METAP1D: variants seen among roughly 807,000 people sequenced by gnomAD.
The protein encoded by METAP1D is methionine aminopeptidase 1D, mitochondrial.
In METAP1D, 31 loss-of-function variants were observed where a neutral mutation model predicts 40.5. The observed-to-expected ratio is 0.77, with a 90% confidence interval of 0.58 to 1.03. The LOEUF (loss-of-function observed/expected upper bound fraction) is 1.03. Ranked by LOEUF, METAP1D falls within the 50% of genes least tolerant of loss-of-function variation. The probability of loss-of-function intolerance (pLI) is 0.00; values close to 1 mark genes in which losing one functional copy is unlikely to be tolerated. For missense variants in METAP1D, 411 were observed against 420.7 expected (o/e 0.98, Z 0.20); for synonymous variants, 151 against 146.4 (o/e 1.03, Z -0.22).
At chr2:172,039,054 TTA>T (rs1437090268) in intron 1 of METAP1D, among the ~76,000 whole-genome samples, 1 of 152,160 alleles carries the variant, frequency 6.6e-6, no homozygotes, top group African/African-American at 2.4e-5. Flanking sequence ...CCTTCCTATT[TTA>T]TATATTATCC....
At chr2:172,045,699 ATGTGTGTGTGTGTGTGTG>A (rs796722451) in intron 1 of METAP1D, among the ~76,000 whole-genome samples, 3 of 82,218 alleles carry the variant, frequency 3.6e-5, no homozygotes, top group African/African-American at 1.4e-4. Context: ...ATTCATATAT[ATGTGTGTGTGTGTGTGTG>A]TGTGTGTGTG....
intron 1 of METAP1D, among the ~76,000 whole-genome samples, chr2:172,040,725 G>T (rs938248461): frequency 1.4e-5 from 2 of 146,554 alleles, no homozygotes; most frequent in African/African-American, 2.5e-5. Flanking sequence ...TGTGCTATTT[G>T]CTTTGATACA....
At chr2:172,048,068 T>G (rs1689801595) in intron 1 of METAP1D, among the ~76,000 whole-genome samples, 1 of 152,180 alleles carries the variant, frequency 6.6e-6, no homozygotes, top group Non-Finnish European at 1.5e-5. Context: ...TACACTACAA[T>G]CATGAAATGC....
intron 1 of METAP1D, among the ~76,000 whole-genome samples, chr2:172,059,882 C>T (rs1690094641): frequency 1.3e-5 from 2 of 152,094 alleles, no homozygotes; most frequent in Non-Finnish European, 2.9e-5. Context: ...AACCCCGTCT[C>T]TACTAAAAAT....
chr2:172,065,849 C>A, intron 4 of METAP1D, 97 bp downstream of exon 4: 1 of 1,294,992 alleles, frequency 7.7e-7, no homozygotes, highest in Non-Finnish European at 1.1e-6. Flanking sequence ...TCAATTGAAA[C>A]CCACCGGTAA....
At chr2:172,077,227 A>G (rs958888246) in intron 6 of METAP1D, among the ~76,000 whole-genome samples, 2 of 152,218 alleles carry the variant, frequency 1.3e-5, no homozygotes, top group Non-Finnish European at 2.9e-5. Context: ...GTTTTGGAGT[A>G]TTTCAAGAAT....
chr2:172,029,489 C>T (rs1257002860), intron 1 of METAP1D, among the ~76,000 whole-genome samples: 1 of 152,140 alleles, frequency 6.6e-6, no homozygotes, highest in East Asian at 1.9e-4. Context: ...CTAAAATCCC[C>T]AGCACATTTT....
intron 1 of METAP1D, among the ~76,000 whole-genome samples, chr2:172,010,569 C>G (rs1688693544): frequency 7.0e-6 from 1 of 141,926 alleles, no homozygotes; most frequent in Non-Finnish European, 1.5e-5. Context: ...TCTCAGCTCA[C>G]TACAACCTGT....
intron 6 of METAP1D, among the ~76,000 whole-genome samples, chr2:172,077,547 A>G (rs1690575764): frequency 6.6e-6 from 1 of 152,246 alleles, no homozygotes; most frequent in Non-Finnish European, 1.5e-5. Flanking sequence ...GTACAAAGGT[A>G]AATGACTCAA....
intron 1 of METAP1D, among the ~76,000 whole-genome samples, chr2:172,038,682 T>C (rs903352973): frequency 1.3e-5 from 2 of 152,134 alleles, no homozygotes; most frequent in Non-Finnish European, 2.9e-5. Flanking sequence ...TTCAGACTTG[T>C]GCGGCAAAAG....
chr2:172,027,172 C>G (rs1689136586), intron 1 of METAP1D, among the ~76,000 whole-genome samples: 2 of 152,196 alleles, frequency 1.3e-5, no homozygotes, highest in African/African-American at 4.8e-5. Context: ...AAACTCCCAA[C>G]CTAACACACA....
At chr2:172,065,841 A>G in intron 4 of METAP1D, 89 bp downstream of exon 4, 3 of 1,355,862 alleles carry the variant, frequency 2.2e-6, no homozygotes, top group South Asian at 1.4e-5. Flanking sequence ...ACTATCATTC[A>G]ATTGAAACCC....
chr2:172,022,347 G>C (rs1170290651), intron 1 of METAP1D, among the ~76,000 whole-genome samples: 4 of 152,148 alleles, frequency 2.6e-5, no homozygotes, highest in Non-Finnish European at 5.9e-5. Flanking sequence ...GCAGTGCCCT[G>C]ACTTCTCCAG....
intron 3 of METAP1D, among the ~76,000 whole-genome samples, chr2:172,065,178 G>T (rs562223202): frequency 1.3e-5 from 2 of 152,266 alleles, no homozygotes; most frequent in African/African-American, 4.8e-5. Context: ...GATGCGAGTT[G>T]ACCTACTTTT....
At chr2:172,024,748 TTGTGTGTGTGTGTGTGTGTGTG>T (rs61596658) in intron 1 of METAP1D, among the ~76,000 whole-genome samples, 1 of 66,570 alleles carries the variant, frequency 1.5e-5, no homozygotes, top group Non-Finnish European at 4.3e-5. Flanking sequence ...GACATATAGA[TTGTGTGTGTGTGTGTGTGTGTG>T]TGTGTGTGTG....
Position 172,080,507 on chromosome 2 carries a change from C to G in METAP1D, c.*101C>G. 5 of 1,246,458 alleles carry G rather than the reference C, an allele frequency of 4.0e-6. No individual in the cohort carries two copies. The highest frequency in any genetic ancestry group is 5.8e-6 in the Non-Finnish European group (5 of 863,526). 77.2% of individuals were successfully genotyped at this position (1,246,458 alleles called of 1,614,324 possible). ...AGAAACAGGGAAATGACCGGTGGTGCGGTAACCTGCGTGGCTCCTGATAGC... is the reference window on the plus strand; with the variant it reads ...AGAAACAGGGAAATGACCGGTGGTGGGGTAACCTGCGTGGCTCCTGATAGC... On this transcript the variant is annotated 3_prime_UTR_variant, in exon 10 of 10. Coordinates refer to ENST00000315796, the MANE Select transcript of METAP1D (RefSeq NM_199227.3).
intron 1 of METAP1D, among the ~76,000 whole-genome samples, chr2:172,040,564 G>A (rs1368567268): frequency 1.3e-5 from 2 of 152,068 alleles, no homozygotes; most frequent in African/African-American, 2.4e-5. Context: ...TACTCCCAGG[G>A]GGAGATCAAA....
At chr2:172,002,318 T>C (rs894527234) in intron 1 of METAP1D, among the ~76,000 whole-genome samples, 5 of 152,176 alleles carry the variant, frequency 3.3e-5, no homozygotes, top group Non-Finnish European at 7.3e-5. Context: ...ATTAGGTTGG[T>C]ACAAAAGTAA....
At chr2:172,030,406 T>TA (rs1689215267) in intron 1 of METAP1D, among the ~76,000 whole-genome samples, 1 of 152,108 alleles carries the variant, frequency 6.6e-6, no homozygotes, top group Admixed American at 6.6e-5. Flanking sequence ...CCTACATTTT[T>TA]AAAAAAATGT....
Sources: gnomAD v4.1 joint callset for allele counts (sites outside exome capture counted in the v4.1 genomes callset) on GRCh38, gnomAD v4.1.1 for gene constraint, MANE v1.5 for transcripts, NCBI Gene and HGNC (gene_info 2026-07-23, HGNC 2026-07-21) for gene names.